Variants in POLA2 observed in about 807,000 individuals in gnomAD.
POLA2 encodes the protein DNA polymerase alpha subunit B.
In POLA2, 47 loss-of-function variants were observed where a neutral mutation model predicts 82.8. That is an observed-to-expected ratio of 0.57 (90% CI 0.45 to 0.72). The LOEUF (loss-of-function observed/expected upper bound fraction) is 0.72, where lower values mean the gene tolerates loss of function less well. Among genes scored for constraint, POLA2 ranks in the 30% least tolerant of loss-of-function variants. The pLI, the probability that POLA2 is intolerant of heterozygous loss-of-function variation, is 0.00. For missense variants in POLA2, 634 were observed against 728.1 expected (o/e 0.87, Z 1.49); for synonymous variants, 287 against 286.8 (o/e 1.00, Z -0.01).
At position 65,298,052 on chromosome 11, in the gene POLA2, GC is replaced by G. The variant is rs1289382847; in HGVS notation, c.*787del. 1 of 152,418 alleles carries G rather than the reference GC, an allele frequency of 6.6e-6. No homozygotes were observed. The highest frequency in any genetic ancestry group is 1.5e-5 in the Non-Finnish European group (1 of 68,204). 9.4% of individuals were successfully genotyped at this position (152,418 alleles called of 1,614,324 possible). On this transcript the variant is annotated 3_prime_UTR_variant, in exon 18 of 18. Transcript: ENST00000265465. ...GTCAGTCACACTGGGTTTCTATCCA[GC>G]CCCAGTCCTGTCCAGTGGGTAACTC...
chr11:65,277,159 A>G (rs1334403940), intron 5 of POLA2, among the ~76,000 whole-genome samples: 1 of 135,654 alleles, frequency 7.4e-6, no homozygotes, highest in Admixed American at 7.4e-5. Flanking sequence ...TGGTCATTGG[A>G]TTTTTTTTTT....
intron 5 of POLA2, among the ~76,000 whole-genome samples, chr11:65,277,179 CTT>C (rs533891221): frequency 2.9e-4 from 36 of 124,276 alleles, no homozygotes; most frequent in Admixed American, 3.2e-4. Flanking sequence ...TCTTTTCTTT[CTT>C]TTTTTTTTTT....
intron 15 of POLA2, 63 bp from the exon 16 acceptor site, chr11:65,295,477 C>T: frequency 1.5e-6 from 2 of 1,359,938 alleles, no homozygotes; most frequent in South Asian, 2.3e-5. Flanking sequence ...TTCTCCAGTC[C>T]TCCCTGAAGA....
At chr11:65,270,814 G>T (rs1949513905) in intron 4 of POLA2, among the ~76,000 whole-genome samples, 1 of 152,160 alleles carries the variant, frequency 6.6e-6, no homozygotes, top group South Asian at 2.1e-4. Context: ...TCTCCACCCA[G>T]CAGCCAGAGT....
At chr11:65,270,897 A>G (rs2137508559) in intron 4 of POLA2, among the ~76,000 whole-genome samples, 1 of 152,276 alleles carries the variant, frequency 6.6e-6, no homozygotes, top group Admixed American at 6.5e-5. Flanking sequence ...TCCTCCTGAT[A>G]TGCAAAGTTT....
At chr11:65,282,400 C>T in intron 9 of POLA2, 79 bp from the exon 10 acceptor site, 1 of 1,230,506 alleles carries the variant, frequency 8.1e-7, no homozygotes, top group Non-Finnish European at 1.2e-6. Flanking sequence ...TGCACCACCC[C>T]CAACCTGGTG....
intron 1 of POLA2, among the ~76,000 whole-genome samples, chr11:65,265,829 C>T (rs897732484): frequency 2.6e-5 from 4 of 152,172 alleles, no homozygotes; most frequent in Non-Finnish European, 5.9e-5. Context: ...CAGGCTTTGC[C>T]GATTCATCCT....
intron 8 of POLA2, among the ~76,000 whole-genome samples, chr11:65,304,464 C>T (rs1590915901): frequency 6.6e-6 from 1 of 150,900 alleles, no homozygotes; most frequent in African/African-American, 2.4e-5. Context: ...TCCATCCACT[C>T]ATCCATATTC....
At position 65,295,991 on chromosome 11, in the gene POLA2, G is replaced by A; in HGVS notation, c.1647+1G>A. On this transcript the variant is annotated splice_donor_variant, in intron 17 of 17. Transcript: ENST00000265465. LOFTEE classifies it high-confidence loss of function. ...GTCAGAGCTGAGGTACTTCGTGAAGGTAGGTTTGAACTCTGCTTTTTCCCA... is the reference window on the plus strand; with the variant it reads ...GTCAGAGCTGAGGTACTTCGTGAAGATAGGTTTGAACTCTGCTTTTTCCCA... 1 of 1,614,172 alleles carries A rather than the reference G, an allele frequency of 6.2e-7. No homozygotes were observed. The highest frequency in any genetic ancestry group is 8.5e-7 in the Non-Finnish European group (1 of 1,180,018).
intron 13 of POLA2, among the ~76,000 whole-genome samples, chr11:65,292,436 C>T (rs1949765312): frequency 6.6e-6 from 1 of 152,180 alleles, no homozygotes; most frequent in African/African-American, 2.4e-5. Context: ...GCTATTTCCT[C>T]CTTAACTATT....
intron 4 of POLA2, among the ~76,000 whole-genome samples, chr11:65,272,526 G>A (rs1369955628): frequency 6.6e-6 from 1 of 152,148 alleles, no homozygotes; most frequent in Non-Finnish European, 1.5e-5. Flanking sequence ...TGATGATTTG[G>A]CTGCCATGTC....
chr11:65,268,708 C>T lies in POLA2; in HGVS notation c.333C>T (p.Asn111=), dbSNP rs2137501096. The change falls in exon 4 of 18, where the codon AAC becomes AAT. Residue 111 remains asparagine, a synonymous_variant. Transcript: ENST00000265465. ...AAGAAGAAGAGGAAATCCTCTTGAACTCTTACACCACACCTTCAAAGGTAA... is the reference window on the plus strand; with the variant it reads ...AAGAAGAAGAGGAAATCCTCTTGAATTCTTACACCACACCTTCAAAGGTAA... ...EVEEEEEILL[N]SYTTPSKGSQ... 1.3e-6 allele frequency: 2 copies of T among 1,593,274 alleles called. No individual in the cohort carries two copies. Among genetic ancestry groups the T allele is most frequent in the East Asian group, 4.6e-5 (2 of 43,308 alleles).
chr11:65,289,651 TAAGACA>T (rs1949733639), intron 12 of POLA2, 142 bp from the exon 13 acceptor site: 1 of 597,476 alleles, frequency 1.7e-6, no homozygotes, highest in African/African-American at 1.9e-5. Context: ...CTTAGCTCCT[TAAGACA>T]AAGACCATGT....
rs772832891 is a variant in POLA2 at position 65,262,273 on chromosome 11, G to A, written c.-20G>A. ...TCGGAGCTGGGTGGGCCGGCTCCCC[G>A]GCCCCTGGCTTGGGCGACCATGTCC... On this transcript the variant is annotated 5_prime_UTR_variant, in exon 1 of 18. Transcript: ENST00000265465. The A allele has an allele frequency of 8.7e-6, 14 of 1,607,210 alleles. No homozygotes were observed. In the Admixed American group the frequency reaches 1.5e-4, roughly 17 times the overall value.
chr11:65,274,476 T>C (rs1321390656), intron 4 of POLA2, among the ~76,000 whole-genome samples: 8 of 151,820 alleles, frequency 5.3e-5, no homozygotes, highest in Non-Finnish European at 4.4e-5. Flanking sequence ...GGTCAGGAGT[T>C]TGAGACCAGC....
rs1440730246 is a variant in POLA2 at position 65,298,406 on chromosome 11, T to G, written c.*1137T>G. The G allele has an allele frequency of 6.6e-6, 1 of 152,314 alleles. No individual in the cohort carries two copies. Among genetic ancestry groups the G allele is most frequent in the Admixed American group, 6.5e-5 (1 of 15,288 alleles). The allele number at this position is 152,314 out of a possible 1,614,324, so 9.4% of individuals were successfully genotyped here. A position where few individuals can be genotyped will look rare whatever the true frequency, so the allele number is the denominator to read the frequency against. On this transcript the variant is annotated 3_prime_UTR_variant, in exon 18 of 18. Transcript: ENST00000265465. ...CGTCCCATGCCCCTATGTCCTGGCATCTGGGGAAAAGCTGTCACTGGCCAG... is the reference window on the plus strand; with the variant it reads ...CGTCCCATGCCCCTATGTCCTGGCAGCTGGGGAAAAGCTGTCACTGGCCAG...
intron 4 of POLA2, among the ~76,000 whole-genome samples, chr11:65,272,798 G>A (rs1174278983): frequency 6.6e-6 from 1 of 152,064 alleles, no homozygotes; most frequent in Non-Finnish European, 1.5e-5. Context: ...GATCACCTGA[G>A]GTCAGGAGTT....
chr11:65,289,657 A>G, intron 12 of POLA2, 142 bp from the exon 13 acceptor site: 2 of 605,004 alleles, frequency 3.3e-6, no homozygotes, highest in East Asian at 5.7e-5. Flanking sequence ...TCCTTAAGAC[A>G]AAGACCATGT....
At chr11:65,294,124 C>G in intron 13 of POLA2, 29 bp from the exon 14 acceptor site, 1 of 1,588,506 alleles carries the variant, frequency 6.3e-7, no homozygotes, top group Non-Finnish European at 8.6e-7. Context: ...ACTTTTCTCA[C>G]TCTTCTGTTT....
Sources: gnomAD v4.1 joint callset for allele counts (sites outside exome capture counted in the v4.1 genomes callset) on GRCh38, gnomAD v4.1.1 for gene constraint, MANE v1.5 for transcripts, NCBI Gene and HGNC (gene_info 2026-07-23, HGNC 2026-07-21) for gene names.